CNTN5: variants seen among roughly 807,000 people sequenced by gnomAD.
CNTN5 encodes contactin-5.
A neutral mutation model predicts 129.1 loss-of-function variants in CNTN5; 77 were observed. The ratio of observed to expected loss-of-function variants is 0.60; its 90% CI spans 0.50 to 0.72. The LOEUF is 0.72. Ranked by LOEUF, CNTN5 falls within the 30% of genes least tolerant of loss-of-function variation. The pLI is 0.00. For missense variants in CNTN5, 1,478 were observed against 1,328.8 expected, an observed-to-expected ratio of 1.11 and a Z score of -1.75; for synonymous variants, 509 against 465.6, an observed-to-expected ratio of 1.09 and a Z score of -1.20.
intron 21 of CNTN5, among the ~76,000 whole-genome samples, chr11:100,331,063 TAA>T (rs1189121120): frequency 2.0e-5 from 3 of 152,158 alleles, no homozygotes; most frequent in Admixed American, 6.5e-5. Flanking sequence ...ATTCACCAAC[TAA>T]GTTTCTGCTG....
chr11:100,323,643 C>G (rs952996605), intron 21 of CNTN5, among the ~76,000 whole-genome samples: 5 of 124,500 alleles, frequency 4.0e-5, no homozygotes, highest in South Asian at 2.6e-4. Flanking sequence ...TCCTCCCCCC[C>G]CCTTCTTTTC....
intron 2 of CNTN5, among the ~76,000 whole-genome samples, chr11:99,372,274 T>C (rs1180216708): frequency 6.6e-6 from 1 of 152,220 alleles, no homozygotes; most frequent in Non-Finnish European, 1.5e-5. Context: ...TTCTGTTTTT[T>C]CTACTTTGAT....
rs145734310 is a variant in CNTN5 at position 99,134,577 on chromosome 11, C to T, written c.-210+113307C>T. ...TTTAATTTTCTGGGAGGAAATTTGG[C>T]ACTGTGGATCAAGTACCTAAGCATC... On this transcript the variant is annotated intron_variant, in intron 1 of 24. Transcript: ENST00000524871. 2.4e-3 allele frequency among the ~76,000 whole-genome samples: 371 copies of T among 152,200 alleles called. 2 individuals carry two copies. The highest frequency in any genetic ancestry group is 8.3e-3 in the African/African-American group (346 of 41,530).
intron 1 of CNTN5, among the ~76,000 whole-genome samples, chr11:99,076,976 C>T (rs760765820): frequency 1.7e-4 from 26 of 152,122 alleles, no homozygotes; most frequent in Non-Finnish European, 3.4e-4. Flanking sequence ...CTGTTTTTTA[C>T]ACATTACTGA....
intron 7 of CNTN5, among the ~76,000 whole-genome samples, chr11:99,934,666 C>T (rs1249854970): frequency 6.6e-6 from 1 of 151,788 alleles, no homozygotes; most frequent in African/African-American, 2.4e-5. Context: ...GGGTGGATCC[C>T]CTGAGGTCAG....
chr11:99,094,725 G>T (rs7930546), intron 1 of CNTN5, among the ~76,000 whole-genome samples: 9,422 of 151,888 alleles, frequency 0.062, 382 homozygotes, highest in African/African-American at 0.11. Context: ...GAAAGTCCGG[G>T]GTAGGTGGTA....
intron 1 of CNTN5, among the ~76,000 whole-genome samples, chr11:99,249,572 GC>G (rs1284292538): frequency 6.6e-6 from 1 of 151,968 alleles, no homozygotes; most frequent in Non-Finnish European, 1.5e-5. Flanking sequence ...AGATTATTGA[GC>G]ACAAACTATA....
At chr11:99,959,630 A>G (rs1318656985) in intron 8 of CNTN5, among the ~76,000 whole-genome samples, 1 of 152,250 alleles carries the variant, frequency 6.6e-6, no homozygotes, top group African/African-American at 2.4e-5. Context: ...AACTGACTGT[A>G]GCAGTTGACG....
At chr11:99,992,859 A>G (rs1434377552) in intron 8 of CNTN5, among the ~76,000 whole-genome samples, 1 of 152,236 alleles carries the variant, frequency 6.6e-6, no homozygotes, top group Non-Finnish European at 1.5e-5. Flanking sequence ...ATTTAAGGTC[A>G]TCTTCTAATG....
rs1428885675 is a variant in CNTN5 at position 100,203,732 on chromosome 11, T to C, written c.1884+10069T>C. ...TACACTATAATGACTATCATTACCATGTTTCTAACAAGCCGATTTTATCAT... is the reference window on the plus strand; with the variant it reads ...TACACTATAATGACTATCATTACCACGTTTCTAACAAGCCGATTTTATCAT... On this transcript the variant is annotated intron_variant, in intron 15 of 24. Transcript: ENST00000524871. Among the ~76,000 whole-genome samples, 14 of 150,892 alleles carry C rather than the reference T, an allele frequency of 9.3e-5. No homozygotes were observed. The Admixed American group carries it at 9.3e-4, about 10-fold the overall frequency.
At chr11:99,615,967 C>A (rs1950747868) in intron 3 of CNTN5, among the ~76,000 whole-genome samples, 1 of 152,000 alleles carries the variant, frequency 6.6e-6, no homozygotes, top group Non-Finnish European at 1.5e-5. Context: ...AACTCCTGGG[C>A]TCAAGTAATT....
chr11:100,077,694 A>C (rs1591192031), intron 13 of CNTN5, among the ~76,000 whole-genome samples: 1 of 151,876 alleles, frequency 6.6e-6, no homozygotes, highest in African/African-American at 2.4e-5. Context: ...ACTTAAATAA[A>C]TAGTCAGGCA....
At chr11:99,028,359 A>T (rs1311611594) in intron 1 of CNTN5, among the ~76,000 whole-genome samples, 7 of 151,924 alleles carry the variant, frequency 4.6e-5, no homozygotes, top group African/African-American at 1.7e-4. Context: ...GAGAATAAAT[A>T]GTTCAAACCT....
intron 9 of CNTN5, among the ~76,000 whole-genome samples, chr11:100,012,301 G>A (rs574205909): frequency 6.6e-5 from 10 of 152,204 alleles, no homozygotes; most frequent in South Asian, 6.2e-4. Flanking sequence ...CCTAACAAAC[G>A]TGAATTTGTA....
At chr11:100,322,881 G>A (rs1951721949) in intron 21 of CNTN5, among the ~76,000 whole-genome samples, 1 of 152,062 alleles carries the variant, frequency 6.6e-6, no homozygotes, top group Admixed American at 6.6e-5. Context: ...ATACAGAAGA[G>A]TATAGTGAAT....
At chr11:100,076,544 C>A (rs1245983521) in intron 13 of CNTN5, among the ~76,000 whole-genome samples, 1 of 152,000 alleles carries the variant, frequency 6.6e-6, no homozygotes, top group Non-Finnish European at 1.5e-5. Flanking sequence ...GTTTCTCTTC[C>A]TTTCTTTACT....
At chr11:99,993,723 G>A (rs554907336) in intron 8 of CNTN5, among the ~76,000 whole-genome samples, 1 of 152,208 alleles carries the variant, frequency 6.6e-6, no homozygotes, top group South Asian at 2.1e-4. Flanking sequence ...ACCACTGCAG[G>A]TCTGTGGCCT....
chr11:100,007,812 G>T (rs994514299), intron 9 of CNTN5, among the ~76,000 whole-genome samples: 1 of 151,676 alleles, frequency 6.6e-6, no homozygotes. Flanking sequence ...TCACAAGTCG[G>T]CTAACTGAGC....
intron 8 of CNTN5, among the ~76,000 whole-genome samples, chr11:99,964,268 G>C (rs981886580): frequency 6.6e-6 from 1 of 152,222 alleles, no homozygotes; most frequent in South Asian, 2.1e-4. Flanking sequence ...TCCAGTTTTT[G>C]CCCATTCAGT....
Sources: gnomAD v4.1 joint callset for allele counts (sites outside exome capture counted in the v4.1 genomes callset) on GRCh38, gnomAD v4.1.1 for gene constraint, MANE v1.5 for transcripts, NCBI Gene and HGNC (gene_info 2026-07-23, HGNC 2026-07-21) for gene names.